MID1: variants seen among roughly 807,000 people sequenced by gnomAD.
MID1 encodes the protein midline 1.
A neutral mutation model predicts 40.4 loss-of-function variants in MID1; 7 were observed. The observed-to-expected ratio is 0.17, with a 90% CI of 0.10 to 0.33. MID1 has a LOEUF of 0.33. Ranked by LOEUF, MID1 falls within the 10% of genes least tolerant of loss-of-function variation. The probability of loss-of-function intolerance (pLI) is 1.00; values close to 1 mark genes in which losing one functional copy is unlikely to be tolerated. For missense variants in MID1, 367 were observed against 558.5 expected (o/e 0.66, Z 3.46); for synonymous variants, 229 against 221.2 (o/e 1.04, Z -0.31).
At chrX:10,801,722 G>C (rs749569217) in intron 1 of MID1, among the ~76,000 whole-genome samples, 1 of 112,099 alleles carries the variant, frequency 8.9e-6, no homozygotes, top group Non-Finnish European at 1.9e-5. Flanking sequence ...AGATTTAAAT[G>C]TAAGACCTCA....
intron 1 of MID1, among the ~76,000 whole-genome samples, chrX:10,743,944 A>G (rs2147110682): frequency 9.0e-6 from 1 of 111,689 alleles, no homozygotes; most frequent in African/African-American, 3.3e-5. Flanking sequence ...ATCATTGTCA[A>G]TTTTCTGGTT....
At chrX:10,513,622 C>T (rs1216688309) in intron 3 of MID1, among the ~76,000 whole-genome samples, 2 of 112,116 alleles carry the variant, frequency 1.8e-5, no homozygotes, top group African/African-American at 6.5e-5. Flanking sequence ...AATTCTCCTG[C>T]CTCAGCCTCT....
chrX:10,761,051 C>G (rs2043674377), intron 1 of MID1, among the ~76,000 whole-genome samples: 1 of 111,823 alleles, frequency 8.9e-6, no homozygotes, highest in Non-Finnish European at 1.9e-5. Flanking sequence ...CTATTAATGA[C>G]TGTATGAGTG....
At position 10,682,752 on chromosome X, in the gene MID1, T is replaced by A. The variant is rs779228522; in HGVS notation, c.-186-62333A>T. ...ACCTTTTCCCTGATCATTAATATTT[T>A]AAAAAATATATTAAAATACAACTTA... On this transcript the variant is annotated intron_variant, in intron 1 of 10. Transcript: ENST00000380785. 4.5e-3 allele frequency among the ~76,000 whole-genome samples: 504 copies of A among 111,971 alleles called. 1 individual carries two copies. The highest frequency in any genetic ancestry group is 0.019 in the Middle Eastern group (4 of 215).
At chrX:10,767,739 C>T (rs2043740986) in intron 1 of MID1, among the ~76,000 whole-genome samples, 1 of 111,710 alleles carries the variant, frequency 9.0e-6, no homozygotes, top group Admixed American at 9.5e-5. Flanking sequence ...TCAATTCTCT[C>T]AATAAGTATG....
chrX:10,772,167 G>C (rs1200630600), intron 1 of MID1, among the ~76,000 whole-genome samples: 1 of 110,687 alleles, frequency 9.0e-6, no homozygotes, highest in Non-Finnish European at 1.9e-5. Flanking sequence ...GTATATATAT[G>C]TATATATGTG....
intron 3 of MID1, among the ~76,000 whole-genome samples, chrX:10,520,466 T>C (rs979889577): frequency 1.8e-5 from 2 of 112,490 alleles, no homozygotes; most frequent in African/African-American, 6.5e-5. Flanking sequence ...CTCTAACATA[T>C]TGTAATCTTT....
intron 2 of MID1, among the ~76,000 whole-genome samples, chrX:10,541,005 G>T (rs1469532462): frequency 8.9e-6 from 1 of 112,149 alleles, no homozygotes; most frequent in East Asian, 2.8e-4. Context: ...AGCTATGCGG[G>T]TGCTGCCTGG....
intron 1 of MID1, among the ~76,000 whole-genome samples, chrX:10,744,115 G>A (rs191304939): frequency 3.5e-4 from 39 of 111,599 alleles, no homozygotes; most frequent in African/African-American, 1.1e-3. Context: ...ATGGCCAGAG[G>A]GGGTGTGAGC....
At chrX:10,589,307 C>A (rs930652666) in intron 1 of MID1, among the ~76,000 whole-genome samples, 1 of 111,120 alleles carries the variant, frequency 9.0e-6, no homozygotes, top group Non-Finnish European at 1.9e-5. Flanking sequence ...TAGGCAAGTT[C>A]CTACTCAAAT....
chrX:10,506,681 T>C (rs2092589731), intron 3 of MID1, among the ~76,000 whole-genome samples: 1 of 111,529 alleles, frequency 9.0e-6, no homozygotes, highest in Admixed American at 9.5e-5. Flanking sequence ...GCAGGAGCTC[T>C]TACACTAGAG....
Position 10,474,915 on chromosome X carries a change from A to G in MID1, c.1014-165T>C, listed in dbSNP as rs1182110458. ...TGTCACAACACAGTAACATAAAACA[A>G]ATGAATGCAAGCTTTAAAAAAAAGT... On this transcript the variant is annotated intron_variant, in intron 5 of 9. Transcript: ENST00000317552. 5.8e-6 allele frequency: 3 copies of G among 517,367 alleles called. No individual in the cohort carries two copies. In the Admixed American group the frequency reaches 8.0e-5, roughly 14 times the overall value. 42.6% of individuals were successfully genotyped at this position (517,367 alleles called of 1,213,427 possible).
chrX:10,639,167 C>T (rs186278193), intron 1 of MID1, among the ~76,000 whole-genome samples: 5 of 112,223 alleles, frequency 4.5e-5, no homozygotes, highest in South Asian at 3.7e-4. Context: ...ATGACTTTGA[C>T]GAGTTGAGAG....
At chrX:10,662,760 G>C (rs999373665) in intron 1 of MID1, among the ~76,000 whole-genome samples, 1 of 111,497 alleles carries the variant, frequency 9.0e-6, no homozygotes, top group African/African-American at 3.3e-5. Flanking sequence ...GAGCTTGCTA[G>C]AGGGCATTAT....
intron 1 of MID1, among the ~76,000 whole-genome samples, chrX:10,689,917 T>C (rs2043122256): frequency 1.8e-5 from 2 of 111,436 alleles, no homozygotes; most frequent in Admixed American, 1.9e-4. Context: ...AGAATTGGGC[T>C]AAATCCTAAA....
chrX:10,694,102 C>T (rs966054866), intron 1 of MID1, among the ~76,000 whole-genome samples: 8 of 111,911 alleles, frequency 7.1e-5, no homozygotes, highest in African/African-American at 2.6e-4. Context: ...TGAGGACTGC[C>T]ACAGATTCTT....
chrX:10,655,742 C>T (rs2042866390), intron 1 of MID1, among the ~76,000 whole-genome samples: 1 of 110,696 alleles, frequency 9.0e-6, no homozygotes, highest in Non-Finnish European at 1.9e-5. Flanking sequence ...GCTCGCTGGC[C>T]GCTGGGAACC....
intron 1 of MID1, among the ~76,000 whole-genome samples, chrX:10,669,240 A>AT (rs1464712931): frequency 2.8e-5 from 3 of 106,104 alleles, no homozygotes; most frequent in Non-Finnish European, 3.9e-5. Flanking sequence ...TAAAAAAAAA[A>AT]AAAAAAAAAA....
intron 1 of MID1, among the ~76,000 whole-genome samples, chrX:10,743,183 G>A (rs2043536121): frequency 8.9e-6 from 1 of 112,292 alleles, no homozygotes; most frequent in African/African-American, 3.2e-5. Context: ...TGATTCTTGG[G>A]CTGGGTGGTT....
Sources: allele counts gnomAD v4.1 joint callset (sites outside exome capture counted in the v4.1 genomes callset), GRCh38; gene constraint gnomAD v4.1.1; transcripts MANE v1.5; gene names NCBI Gene and HGNC (gene_info 2026-07-23, HGNC 2026-07-21).